Variants in TGFA observed in about 807,000 individuals in gnomAD.
The protein encoded by TGFA is protransforming growth factor alpha.
Under a neutral mutation model 21.7 loss-of-function variants are expected in TGFA, and 12 were observed. That is an observed-to-expected ratio of 0.55 (90% CI 0.35 to 0.90). The LOEUF (loss-of-function observed/expected upper bound fraction) is 0.90, where lower values mean the gene tolerates loss of function less well. Ranked by LOEUF, TGFA falls within the 40% of genes least tolerant of loss-of-function variation. The probability of loss-of-function intolerance (pLI) is 0.01; values close to 1 mark genes in which losing one functional copy is unlikely to be tolerated. For missense variants in TGFA, 178 were observed against 210.8 expected (o/e 0.84, Z 0.96); for synonymous variants, 79 against 88.1 (o/e 0.90, Z 0.58).
At chr2:70,537,827 G>A (rs1163624147) in intron 1 of TGFA, among the ~76,000 whole-genome samples, 1 of 152,218 alleles carries the variant, frequency 6.6e-6, no homozygotes, top group African/African-American at 2.4e-5. Context: ...AGAAGATCTA[G>A]CTAAGACCAT....
intron 2 of TGFA, among the ~76,000 whole-genome samples, chr2:70,512,768 G>C (rs1672141220): frequency 6.6e-6 from 1 of 152,204 alleles, no homozygotes; most frequent in Admixed American, 6.5e-5. Flanking sequence ...GGGTTTTCTT[G>C]TCTGTCTGAA....
chr2:70,476,855 ACT>A (rs1369068786), intron 2 of TGFA, among the ~76,000 whole-genome samples: 2 of 151,934 alleles, frequency 1.3e-5, no homozygotes, highest in African/African-American at 4.8e-5. Context: ...CAAAGATGTG[ACT>A]CTCTTTCCTA....
intron 1 of TGFA, among the ~76,000 whole-genome samples, chr2:70,516,129 C>A (rs1308975160): frequency 1.3e-5 from 2 of 152,220 alleles, no homozygotes; most frequent in East Asian, 3.8e-4. Context: ...ATGCAATCAG[C>A]ATGAGCCACA....
Position 70,450,113 on chromosome 2 carries a change from A to G in TGFA, c.*746T>C, listed in dbSNP as rs1485383777. 6.6e-6 allele frequency: 1 copy of G among 152,230 alleles called. No homozygotes were observed. The highest frequency in any genetic ancestry group is 1.5e-5 in the Non-Finnish European group (1 of 68,072). 9.4% of individuals were successfully genotyped at this position (152,230 alleles called of 1,614,324 possible). On this transcript the variant is annotated 3_prime_UTR_variant, in exon 6 of 6. Coordinates refer to ENST00000295400, the MANE Select transcript of TGFA (RefSeq NM_003236.4). ...TTTTCCCAAGCCTTAGCTGTCTTGA[A>G]GAGGCCAGACATTTCTAATCAGTAT...
At chr2:70,475,864 AAGG>A (rs1157777396) in intron 2 of TGFA, among the ~76,000 whole-genome samples, 2 of 152,002 alleles carry the variant, frequency 1.3e-5, no homozygotes, top group Admixed American at 6.6e-5. Flanking sequence ...CAAAAGGCAC[AAGG>A]AGGAGAGAGG....
chr2:70,451,846 C>CTG (rs1328380275), intron 5 of TGFA: 2 of 669,232 alleles, frequency 3.0e-6, no homozygotes, highest in African/African-American at 3.6e-5. Context: ...CCCAAGCAGG[C>CTG]TGTCATCAGA....
At chr2:70,471,526 C>T (rs1670750846) in intron 2 of TGFA, among the ~76,000 whole-genome samples, 1 of 152,176 alleles carries the variant, frequency 6.6e-6, no homozygotes, top group Admixed American at 6.5e-5. Flanking sequence ...TAACTGTTCT[C>T]ATTTGAGGGC....
At chr2:70,455,240 T>C (rs1553490287) in intron 4 of TGFA, among the ~76,000 whole-genome samples, 1 of 152,192 alleles carries the variant, frequency 6.6e-6, no homozygotes, top group Admixed American at 6.5e-5. Flanking sequence ...TGTGAGCAGG[T>C]TGTGGCTACT....
chr2:70,553,779 G>A lies in TGFA; in HGVS notation c.-12C>T. The A allele has an allele frequency of 7.8e-7, 1 of 1,277,064 alleles. No homozygotes were observed. Among genetic ancestry groups the A allele is most frequent in the East Asian group, 3.1e-5 (1 of 32,756 alleles). The allele number at this position is 1,277,064 out of a possible 1,614,324, so 79.1% of individuals were successfully genotyped here. ...GCCGAGGGGACCATTTTACGGGCGG[G>A]CGGGCAGCAGGCTCTCCAGCCTCCT... On this transcript the variant is annotated 5_prime_UTR_variant, in exon 1 of 6. Coordinates refer to ENST00000295400, the MANE Select transcript of TGFA (RefSeq NM_003236.4).
At chr2:70,541,203 A>G (rs1673122442) in intron 1 of TGFA, among the ~76,000 whole-genome samples, 1 of 152,244 alleles carries the variant, frequency 6.6e-6, no homozygotes, top group Non-Finnish European at 1.5e-5. Context: ...AAAGCAATCT[A>G]TATCTCCATC....
intron 2 of TGFA, among the ~76,000 whole-genome samples, chr2:70,477,226 G>A (rs1367187410): frequency 6.6e-6 from 1 of 152,198 alleles, no homozygotes; most frequent in African/African-American, 2.4e-5. Context: ...TAAAAAGGAA[G>A]AAGGAGGAAG....
At chr2:70,551,121 T>G (rs1673492442) in intron 1 of TGFA, among the ~76,000 whole-genome samples, 1 of 152,192 alleles carries the variant, frequency 6.6e-6, no homozygotes, top group African/African-American at 2.4e-5. Context: ...CCAGGCACCC[T>G]TCTGCATACA....
chr2:70,549,985 T>C (rs781852825), intron 1 of TGFA, among the ~76,000 whole-genome samples: 21 of 152,254 alleles, frequency 1.4e-4, no homozygotes, highest in Non-Finnish European at 7.4e-5. Context: ...AAAACATGTG[T>C]CCTAGGAAAA....
At chr2:70,519,555 G>A (rs1672386314) in intron 1 of TGFA, among the ~76,000 whole-genome samples, 1 of 152,226 alleles carries the variant, frequency 6.6e-6, no homozygotes, top group Non-Finnish European at 1.5e-5. Flanking sequence ...GGAGGACTAT[G>A]AGCAAGGCTG....
At chr2:70,510,808 G>A (rs372265555) in intron 2 of TGFA, among the ~76,000 whole-genome samples, 2 of 152,164 alleles carry the variant, frequency 1.3e-5, no homozygotes, top group African/African-American at 4.8e-5. Flanking sequence ...AAGAGCAATG[G>A]TCAAGTTATA....
At chr2:70,459,926 A>C (rs1670361331) in intron 3 of TGFA, among the ~76,000 whole-genome samples, 1 of 152,068 alleles carries the variant, frequency 6.6e-6, no homozygotes, top group South Asian at 2.1e-4. Context: ...CATCATTGGG[A>C]CTCCAGGTCA....
In TGFA at chr2:70,447,671, T is replaced by C. The variant is rs190842173; in HGVS notation, c.*3188A>G. The stretch of plus-strand genomic sequence containing the variant: ...CTCTCTCTGTGTGAACCACTAGATC[T>C]TTCAGAAAGCCTGGTAAATCAATGG... On this transcript the variant is annotated 3_prime_UTR_variant, in exon 6 of 6. Transcript: ENST00000295400. The C allele has an allele frequency of 8.5e-5, 13 of 152,570 alleles. No individual in the cohort carries two copies. The highest frequency in any genetic ancestry group is 8.5e-4 in the Admixed American group (13 of 15,308). 9.5% of individuals were successfully genotyped at this position (152,570 alleles called of 1,614,324 possible). A position where few individuals can be genotyped will look rare whatever the true frequency, so the allele number is the denominator to read the frequency against.
intron 4 of TGFA, among the ~76,000 whole-genome samples, chr2:70,455,583 T>C (rs2103666223): frequency 6.6e-6 from 1 of 152,296 alleles, no homozygotes; most frequent in African/African-American, 2.4e-5. Context: ...CCTTAAAAAG[T>C]AATGGTGAAA....
intron 1 of TGFA, among the ~76,000 whole-genome samples, chr2:70,529,280 G>C (rs1357879514): frequency 6.6e-6 from 1 of 152,126 alleles, no homozygotes; most frequent in East Asian, 1.9e-4. Flanking sequence ...ACATCCAGGG[G>C]GCATGAACTA....
Sources: allele counts gnomAD v4.1 joint callset (sites outside exome capture counted in the v4.1 genomes callset), GRCh38; gene constraint gnomAD v4.1.1; transcripts MANE v1.5; gene names NCBI Gene and HGNC (gene_info 2026-07-23, HGNC 2026-07-21).